The following LIN9 variants were observed in gnomAD, a reference collection of about 807,000 sequenced individuals.
LIN9 encodes the protein protein lin-9 homolog.
A neutral mutation model predicts 78.0 loss-of-function variants in LIN9; 18 were observed. The observed-to-expected ratio is 0.23, with a 90% confidence interval of 0.16 to 0.34. LIN9 has a LOEUF of 0.34. Among genes scored for constraint, LIN9 ranks in the 10% least tolerant of loss-of-function variants. LIN9 has a pLI of 1.00. For missense variants in LIN9, 451 were observed against 644.1 expected, an observed-to-expected ratio of 0.70 and a Z score of 3.25; for synonymous variants, 192 against 215.2, an observed-to-expected ratio of 0.89 and a Z score of 0.94.
At chr1:226,263,123 G>C (rs1343763335) in intron 10 of LIN9, among the ~76,000 whole-genome samples, 1 of 152,146 alleles carries the variant, frequency 6.6e-6, no homozygotes, top group Non-Finnish European at 1.5e-5. Context: ...GTGATTTCCA[G>C]GGGCTCAGGG....
rs935347820 is a variant in LIN9 at position 226,265,936 on chromosome 1, C to T, written c.936+277G>A. Among the ~76,000 whole-genome samples, 8 of 152,106 alleles carry T rather than the reference C, an allele frequency of 5.3e-5. No individual in the cohort carries two copies. The highest frequency in any genetic ancestry group is 1.0e-4 in the Non-Finnish European group (7 of 68,014). ...TCGTGATCCGCCTGCCTCAGCCTCC[C>T]AAAGTGCTGGGATTACAGGCGTGAG... On this transcript the variant is annotated intron_variant, in intron 9 of 14. Coordinates refer to ENST00000681046, the MANE Select transcript of LIN9 (RefSeq NM_001366245.2). The surrounding 1 kb of genome is among the most constrained non-coding windows in gnomAD (Gnocchi z 4.1).
chr1:226,251,045 T>C (rs1658801710), intron 10 of LIN9, 126 bp from the exon 11 acceptor site: 2 of 524,920 alleles, frequency 3.8e-6, no homozygotes, highest in East Asian at 3.4e-5. Flanking sequence ...CATATATATA[T>C]AGCATAGCAT....
chr1:226,268,167 A>AATTT, intron 7 of LIN9, 77 bp from the exon 8 acceptor site: 1 of 1,391,678 alleles, frequency 7.2e-7, no homozygotes, highest in Non-Finnish European at 9.9e-7. Context: ...CCAAGCATGT[A>AATTT]ATTTAAATCA....
intron 1 of LIN9, among the ~76,000 whole-genome samples, chr1:226,304,333 T>C (rs747683341): frequency 6.6e-6 from 1 of 152,176 alleles, no homozygotes; most frequent in Non-Finnish European, 1.5e-5. Context: ...TCTCAAACTT[T>C]GTGAAAAGTC....
chr1:226,260,965 G>T (rs1214000910), intron 10 of LIN9, among the ~76,000 whole-genome samples: 4 of 151,630 alleles, frequency 2.6e-5, no homozygotes, highest in Non-Finnish European at 5.9e-5. Context: ...TTTACCTGAA[G>T]TATGCAAGGC....
chr1:226,247,419 A>C (rs1658554482), intron 11 of LIN9, among the ~76,000 whole-genome samples: 1 of 152,124 alleles, frequency 6.6e-6, no homozygotes, highest in Admixed American at 6.5e-5. Context: ...GAGGCCTATA[A>C]AAATGCTATA....
intron 11 of LIN9, among the ~76,000 whole-genome samples, chr1:226,243,690 C>T (rs1375753733): frequency 8.0e-5 from 9 of 112,580 alleles, no homozygotes; most frequent in Admixed American, 2.0e-4. Context: ...AGCGAGACTC[C>T]GTCTCAAAAA....
At chr1:226,236,747 G>A (rs1447342552) in intron 12 of LIN9, among the ~76,000 whole-genome samples, 1 of 152,136 alleles carries the variant, frequency 6.6e-6, no homozygotes, top group African/African-American at 2.4e-5. Flanking sequence ...GTGAGCCACC[G>A]CACCCGGCGT....
intron 11 of LIN9, among the ~76,000 whole-genome samples, chr1:226,240,508 C>T (rs1658043918): frequency 1.3e-5 from 2 of 151,990 alleles, no homozygotes; most frequent in African/African-American, 4.8e-5. Context: ...TCTGCCTCAG[C>T]CTCTCAAGTA....
At chr1:226,277,693 AAAAT>A (rs1300566716) in intron 7 of LIN9, 78 bp downstream of exon 7, 2 of 1,256,322 alleles carry the variant, frequency 1.6e-6, no homozygotes, top group East Asian at 4.8e-5. Flanking sequence ...AAAATGAAAT[AAAAT>A]AAGAACCAAA....
intron 10 of LIN9, among the ~76,000 whole-genome samples, chr1:226,260,560 T>C (rs974013807): frequency 3.5e-5 from 5 of 144,376 alleles, no homozygotes; most frequent in Admixed American, 2.8e-4. Flanking sequence ...GATGCAAAAA[T>C]CCTCAATAAA....
chr1:226,286,305 T>TAAACAA (rs1367437937), intron 6 of LIN9, 28 bp downstream of exon 6: 8 of 1,598,436 alleles, frequency 5.0e-6, no homozygotes, highest in Non-Finnish European at 6.8e-6. Flanking sequence ...GATTTTATTT[T>TAAACAA]AAACAAAAAC....
chr1:226,273,256 A>ATT (rs34679926), intron 7 of LIN9, among the ~76,000 whole-genome samples: 4,493 of 87,224 alleles, frequency 0.052, 121 homozygotes, highest in African/African-American at 0.077. Context: ...TAATTAGGTA[A>ATT]TTTTTTTTTT....
At chr1:226,288,065 G>A (rs940231279) in intron 4 of LIN9, among the ~76,000 whole-genome samples, 1 of 151,688 alleles carries the variant, frequency 6.6e-6, no homozygotes, top group African/African-American at 2.4e-5. Flanking sequence ...TCTGCCTCCC[G>A]GGTTCAAGCT....
intron 1 of LIN9, among the ~76,000 whole-genome samples, chr1:226,302,780 A>G (rs1662644941): frequency 6.6e-6 from 1 of 152,244 alleles, no homozygotes; most frequent in Non-Finnish European, 1.5e-5. Flanking sequence ...TATGATTTAC[A>G]TCTCATATAA....
At chr1:226,266,929 G>A (rs1659955336) in intron 8 of LIN9, among the ~76,000 whole-genome samples, 2 of 151,688 alleles carry the variant, frequency 1.3e-5, no homozygotes, top group South Asian at 2.1e-4. Flanking sequence ...ACAGACATGT[G>A]CTACCCCACC....
At chr1:226,270,413 T>C (rs1660188844) in intron 7 of LIN9, among the ~76,000 whole-genome samples, 1 of 152,106 alleles carries the variant, frequency 6.6e-6, no homozygotes, top group South Asian at 2.1e-4. Flanking sequence ...ATCTGAAATA[T>C]CAAGTTTTCC....
At chr1:226,244,374 G>T (rs1244982666) in intron 11 of LIN9, among the ~76,000 whole-genome samples, 1 of 152,104 alleles carries the variant, frequency 6.6e-6, no homozygotes, top group African/African-American at 2.4e-5. Flanking sequence ...AGACGTTGCA[G>T]TGAGCCGAGA....
chr1:226,249,621 C>T (rs1658701772), intron 11 of LIN9, among the ~76,000 whole-genome samples: 1 of 152,170 alleles, frequency 6.6e-6, no homozygotes, highest in Non-Finnish European at 1.5e-5. Context: ...TATAACATTT[C>T]ATTCCAGAGA....
Sources: gnomAD v4.1 joint callset for allele counts (sites outside exome capture counted in the v4.1 genomes callset) on GRCh38, gnomAD v4.1.1 for gene constraint, Gnocchi (gnomAD v3.1) non-coding constraint, MANE v1.5 for transcripts, NCBI Gene and HGNC (gene_info 2026-07-23, HGNC 2026-07-21) for gene names.